LSG1: variants seen among roughly 807,000 people sequenced by gnomAD.
The protein encoded by LSG1 is large subunit GTPase 1 homolog.
Under a neutral mutation model 82.6 loss-of-function variants are expected in LSG1, and 55 were observed. The observed-to-expected ratio is 0.67, with a 90% confidence interval of 0.54 to 0.83. The LOEUF is 0.83. Among genes scored for constraint, LSG1 ranks in the 40% least tolerant of loss-of-function variants. LSG1 has a pLI of 0.00. For missense variants in LSG1, 809 were observed against 807.9 expected, an observed-to-expected ratio of 1.00 and a Z score of -0.02; for synonymous variants, 272 against 282.5, an observed-to-expected ratio of 0.96 and a Z score of 0.37.
chr3:194,665,206 C>T (rs897456978), intron 5 of LSG1, among the ~76,000 whole-genome samples: 2 of 152,168 alleles, frequency 1.3e-5, no homozygotes, highest in Non-Finnish European at 2.9e-5. Flanking sequence ...TTCGCCTCTC[C>T]CCATAACATA....
chr3:194,654,328 A>C (rs1219794008), intron 7 of LSG1, among the ~76,000 whole-genome samples: 1 of 152,220 alleles, frequency 6.6e-6, no homozygotes, highest in Non-Finnish European at 1.5e-5. Flanking sequence ...TCTTGACAAC[A>C]AAGCAGAAAT....
At position 194,642,104 on chromosome 3, in the gene LSG1, T is replaced by C. The variant is rs1718407309; in HGVS notation, c.1941A>G (p.Glu647=). 6.2e-7 allele frequency: 1 copy of C among 1,613,414 alleles called. No homozygotes were observed. Among genetic ancestry groups the C allele is most frequent in the Non-Finnish European group, 8.5e-7 (1 of 1,180,030 alleles). Residue 647 remains glutamate, a synonymous_variant, in exon 14 of 14, where the codon GAA becomes GAG. Transcript: ENST00000265245. ...WKKHGNRNKK[E]KSRRLYKHLD... is the part of the protein sequence containing the mutation. The stretch of plus-strand genomic sequence containing the variant: ...GGTGCTTGTAGAGTCTACGACTTTT[T>C]TCTTTTTTATTTCTGTTGCCATGTT...
rs923252218 is a variant in LSG1, at chr3:194,648,578, G to GT, written c.1543+102dup. The stretch of plus-strand genomic sequence containing the variant: ...AATGCTGAAGAAATATTATAAATGT[G>GT]TATCTTTGCAGAACAGCAATTCTAG... On this transcript the variant is annotated intron_variant, in intron 11 of 13. Transcript: ENST00000265245. The GT allele has an allele frequency of 7.3e-6, 9 of 1,232,494 alleles. No homozygotes were observed. The African/African-American group carries it at 1.1e-4, about 15-fold the overall frequency. The allele number at this position is 1,232,494 out of a possible 1,614,324, so 76.3% of individuals were successfully genotyped here. A position where few individuals can be genotyped will look rare whatever the true frequency, so the allele number is the denominator to read the frequency against.
In LSG1 at chr3:194,646,238, G is replaced by A; in HGVS notation, c.1549C>T (p.Arg517Ter). ...EELLTAYGYM[R>*]GFMTAHGQPD... ...TGTCCATGCGCTGTCATGAATCCTCGCATGTCTGTGGAGAGAAAAGAATTT... is the reference window on the plus strand; with the variant it reads ...TGTCCATGCGCTGTCATGAATCCTCACATGTCTGTGGAGAGAAAAGAATTT... The change falls in exon 12 of 14, where the codon CGA becomes TGA. Residue 517 changes from arginine (R) to a stop codon, truncating the protein, a stop_gained. Transcript: ENST00000265245. LOFTEE classifies it high-confidence loss of function. The A allele has an allele frequency of 8.1e-6, 13 of 1,613,534 alleles. No homozygotes were observed. The highest frequency in any genetic ancestry group is 1.1e-5 in the South Asian group (1 of 91,072).
In LSG1 at chr3:194,652,863, G is replaced by A. The variant is rs114485048; in HGVS notation, c.1039C>T (p.Arg347Trp). ...KESSTADSEA[R>W]SRKTPQKRQI... ...CTCTTCTGTGGGGTTTTCCTGCTCC[G>A]AGCCTCAGAATCTGCAGTAGAGCTT... The change falls in exon 8 of 14, where the codon CGG becomes TGG. Residue 347 changes from arginine (R) to tryptophan (W), a missense_variant. Physicochemically the swap from Arg to Trp is moderately radical, Grantham distance 101 (BLOSUM62 -3). Transcript: ENST00000265245. The A allele has an allele frequency of 1.3e-3, 2,049 of 1,614,060 alleles. 13 individuals carry two copies. Among genetic ancestry groups the A allele is most frequent in the East Asian group, 0.012 (519 of 44,870 alleles).
At chr3:194,671,893 T>C in intron 1 of LSG1, 171 bp downstream of exon 1, 1 of 675,472 alleles carries the variant, frequency 1.5e-6, no homozygotes, top group Non-Finnish European at 2.6e-6. Flanking sequence ...CTTTGTGTTC[T>C]GGGCCTTGCC....
intron 2 of LSG1, among the ~76,000 whole-genome samples, chr3:194,667,949 A>C (rs1719066430): frequency 1.3e-5 from 1 of 79,352 alleles, no homozygotes; most frequent in Non-Finnish European, 2.4e-5. Flanking sequence ...AAAAATATAT[A>C]TATATATATA....
rs779767338 is a variant in LSG1, at chr3:194,669,998, A to G, written c.226+11T>C. The G allele has an allele frequency of 1.9e-6, 3 of 1,613,204 alleles. No homozygotes were observed. Among genetic ancestry groups the G allele is most frequent in the Non-Finnish European group, 2.5e-6 (3 of 1,179,534 alleles). ...GACAGTCTCACCTGCACTCAGCAAT[A>G]AACAACTTACCAGCTACAAACTCTG... is the stretch of plus-strand genomic sequence containing the variant. On this transcript the variant is annotated intron_variant, in intron 2 of 13. Coordinates refer to ENST00000265245, the MANE Select transcript of LSG1 (RefSeq NM_018385.3).
chr3:194,664,029 G>A (rs990706754), intron 5 of LSG1, among the ~76,000 whole-genome samples: 1 of 152,168 alleles, frequency 6.6e-6, no homozygotes, highest in Non-Finnish European at 1.5e-5. Flanking sequence ...CTGGAGTGCA[G>A]TGGTGCGATC....
Position 194,672,120 on chromosome 3 carries a change from C to G in LSG1, c.43G>C (p.Ala15Pro), listed in dbSNP as rs779940370. The change falls in exon 1 of 14, where the codon GCC (alanine) becomes CCC (proline). Residue 15 changes from alanine (A) to proline (P), a missense_variant. Transcript: ENST00000265245. ...CGCTGAGTCTGATGGCGCATAAGGG[C>G]CCGTCCCAGCGACCCACCGGCCGGG... ...RAPAGGSLGR[A>P]LMRHQTQRSR... The G allele has an allele frequency of 9.9e-6, 16 of 1,608,116 alleles. No homozygotes were observed. The South Asian group carries it at 1.5e-4, about 15-fold the overall frequency.
chr3:194,659,494 A>G (rs373063341), intron 6 of LSG1, among the ~76,000 whole-genome samples: 219 of 152,268 alleles, frequency 1.4e-3, no homozygotes, highest in African/African-American at 5.1e-3. Flanking sequence ...AATTAGATCT[A>G]TAAGATAGTA....
chr3:194,651,234 G>A lies in LSG1; in HGVS notation c.1174-18C>T. The A allele has an allele frequency of 1.3e-6, 2 of 1,548,078 alleles. No individual in the cohort carries two copies. The highest frequency in any genetic ancestry group is 2.2e-5 in the East Asian group (1 of 44,504). ...TAGCCCACCTAGAAGAGACTCAGAA[G>A]TTACCAAACAGTAAAACAGTACATC... On this transcript the variant is annotated intron_variant, in intron 8 of 13. Coordinates refer to ENST00000265245, the MANE Select transcript of LSG1 (RefSeq NM_018385.3).
intron 12 of LSG1, among the ~76,000 whole-genome samples, chr3:194,645,579 C>CACAG (rs1718527506): frequency 3.0e-5 from 2 of 67,744 alleles, no homozygotes; most frequent in Admixed American, 1.5e-4. Flanking sequence ...CAGACAGACA[C>CACAG]ACACACACAC....
Position 194,672,188 on chromosome 3 carries a change from T to C in LSG1, c.-26A>G, listed in dbSNP as rs1719164341. On this transcript the variant is annotated 5_prime_UTR_variant, in exon 1 of 14. Coordinates refer to ENST00000265245, the MANE Select transcript of LSG1 (RefSeq NM_018385.3). ...GGCAACACGACCGCTGGACGAAGCT[T>C]CCCGGCTCGGCGCGTGCAGTTTCCG... 1 of 1,548,216 alleles carries C rather than the reference T, an allele frequency of 6.5e-7. No homozygotes were observed. The highest frequency in any genetic ancestry group is 1.7e-5 in the Admixed American group (1 of 58,636).
intron 7 of LSG1, among the ~76,000 whole-genome samples, chr3:194,658,187 G>A (rs1049268314): frequency 2.0e-5 from 3 of 152,058 alleles, no homozygotes; most frequent in African/African-American, 7.2e-5. Context: ...CGCTCTTGTT[G>A]CCCAGGCTGG....
rs556666690 is a variant in LSG1 at position 194,671,873 on chromosome 3, C to A, written c.99+191G>T. On this transcript the variant is annotated intron_variant, in intron 1 of 13. Transcript: ENST00000265245. ...TCACCACACTAACTCTTCTTTCAAGCTTCTCCTACCTTTGTGTTCTGGGCC... is the reference window on the plus strand; with the variant it reads ...TCACCACACTAACTCTTCTTTCAAGATTCTCCTACCTTTGTGTTCTGGGCC... The A allele has an allele frequency of 6.8e-5, 43 of 636,374 alleles. No homozygotes were observed. The African/African-American group carries it at 7.0e-4, about 10-fold the overall frequency. 39.4% of individuals were successfully genotyped at this position (636,374 alleles called of 1,614,324 possible).
chr3:194,651,432 A>C (rs1333519165), intron 8 of LSG1: 2 of 558,926 alleles, frequency 3.6e-6, no homozygotes, highest in Non-Finnish European at 6.4e-6. Flanking sequence ...CAAGTTATGC[A>C]CATTTTAATA....
At chr3:194,664,920 CAAAT>C (rs201430622) in intron 5 of LSG1, among the ~76,000 whole-genome samples, 12,177 of 150,488 alleles carry the variant, frequency 0.081, 568 homozygotes, top group African/African-American at 0.12. Context: ...AACTCCGTCT[CAAAT>C]AAATAAATAA....
intron 2 of LSG1, among the ~76,000 whole-genome samples, chr3:194,667,439 T>A (rs936792569): frequency 2.6e-5 from 4 of 152,112 alleles, no homozygotes; most frequent in African/African-American, 9.7e-5. Context: ...AAGAACATAC[T>A]ACCATTAACC....
Sources: gnomAD v4.1 joint callset for allele counts (sites outside exome capture counted in the v4.1 genomes callset) on GRCh38, gnomAD v4.1.1 for gene constraint, MANE v1.5 for transcripts, NCBI Gene and HGNC (gene_info 2026-07-23, HGNC 2026-07-21) for gene names.